CASP6: variants seen among roughly 807,000 people sequenced by gnomAD.
CASP6 encodes the protein caspase-6.
Under a neutral mutation model 31.8 loss-of-function variants are expected in CASP6, and 20 were observed. The ratio of observed to expected loss-of-function variants is 0.63; its 90% CI spans 0.44 to 0.91. The LOEUF is 0.91. Ranked by LOEUF, CASP6 falls within the 40% of genes least tolerant of loss-of-function variation. The pLI, the probability that CASP6 is intolerant of heterozygous loss-of-function variation, is 0.00. For synonymous variants in CASP6, 130 were observed against 127.8 expected (o/e 1.02, Z -0.12); for missense variants, 328 against 361.1 (o/e 0.91, Z 0.74).
downstream of CASP6, chr4:109,687,449 T>G (rs1729873084): frequency 9.0e-7 from 1 of 1,108,780 alleles, no homozygotes; most frequent in South Asian, 1.3e-5. Flanking sequence ...AGAATTCCTC[T>G]CAAGCAGTAA....
the CASP6 span, among the ~76,000 whole-genome samples, chr4:109,677,783 G>C: frequency 4.5e-4 from 46 of 102,204 alleles, no homozygotes; most frequent in Admixed American, 2.3e-3. Flanking sequence ...ACAAATTTCT[G>C]TTCCTTATAA....
the CASP6 span, among the ~76,000 whole-genome samples, chr4:109,674,413 G>T: frequency 6.6e-6 from 1 of 152,158 alleles, no homozygotes; most frequent in African/African-American, 2.4e-5. Context: ...GATGAACTTA[G>T]TTCTAAAGAA....
At chr4:109,706,832 A>T (rs1447149953), upstream of CASP6, among the ~76,000 whole-genome samples, 1 of 152,222 alleles carries the variant, frequency 6.6e-6, no homozygotes, top group African/African-American at 2.4e-5. Context: ...CACTTGAACC[A>T]GGAGGCAGAG....
the CASP6 span, among the ~76,000 whole-genome samples, chr4:109,679,605 G>GAGGGAGAC: frequency 6.6e-6 from 1 of 152,224 alleles, no homozygotes; most frequent in Non-Finnish European, 1.5e-5. Context: ...CTCGGCAAGA[G>GAGGGAGAC]AGGGAGACTG....
chr4:109,666,615 C>T, the CASP6 span, among the ~76,000 whole-genome samples: 1 of 152,158 alleles, frequency 6.6e-6, no homozygotes, highest in Non-Finnish European at 1.5e-5. Flanking sequence ...CTTTTCAGAT[C>T]TTTGCCCATT....
downstream of CASP6, among the ~76,000 whole-genome samples, chr4:109,686,463 A>T (rs921013587): frequency 1.3e-5 from 2 of 152,186 alleles, 1 homozygote; most frequent in Admixed American, 1.3e-4. Flanking sequence ...AATGTATTTT[A>T]TTTCATATAG....
the CASP6 span, among the ~76,000 whole-genome samples, chr4:109,672,142 C>T: frequency 6.6e-6 from 1 of 151,978 alleles, no homozygotes; most frequent in Non-Finnish European, 1.5e-5. Flanking sequence ...GTTTCTTAGC[C>T]TCTTTTATTC....
chr4:109,697,076 A>G (rs918737339), intron 3 of CASP6, among the ~76,000 whole-genome samples: 3 of 151,886 alleles, frequency 2.0e-5, no homozygotes, highest in Admixed American at 1.3e-4. Flanking sequence ...GTGAGCCACC[A>G]TGCCCGGCCA....
intron 1 of CASP6, among the ~76,000 whole-genome samples, chr4:109,700,159 T>G (rs1730373152): frequency 6.6e-6 from 1 of 152,210 alleles, no homozygotes; most frequent in Non-Finnish European, 1.5e-5. Context: ...GTGAAAACAC[T>G]GGAGATGTAT....
chr4:109,679,851 G>T, the CASP6 span, among the ~76,000 whole-genome samples: 2 of 152,014 alleles, frequency 1.3e-5, no homozygotes, highest in East Asian at 3.9e-4. Context: ...ACCCAGGCTG[G>T]AGTGCAGTGG....
At chr4:109,700,379 C>A (rs1049945218) in intron 1 of CASP6, among the ~76,000 whole-genome samples, 2 of 152,118 alleles carry the variant, frequency 1.3e-5, no homozygotes, top group Non-Finnish European at 2.9e-5. Context: ...GACGTTCTGG[C>A]CGGGCATAGT....
At chr4:109,670,960 T>G in the CASP6 span, among the ~76,000 whole-genome samples, 2 of 152,168 alleles carry the variant, frequency 1.3e-5, no homozygotes. Flanking sequence ...CAGTTACAGT[T>G]CAGGTTTTCC....
At chr4:109,708,549 T>C (rs1730664478), upstream of CASP6, among the ~76,000 whole-genome samples, 1 of 152,232 alleles carries the variant, frequency 6.6e-6, no homozygotes, top group South Asian at 2.1e-4. Context: ...CTGAATGAGT[T>C]ATCTGACCAC....
chr4:109,708,521 C>T (rs1210921886), upstream of CASP6, among the ~76,000 whole-genome samples: 7 of 152,236 alleles, frequency 4.6e-5, no homozygotes, highest in Non-Finnish European at 1.5e-5. Flanking sequence ...CACATTTACA[C>T]TCTGGCTTTT....
At chr4:109,703,046 G>T (rs1332284530) in intron 1 of CASP6, among the ~76,000 whole-genome samples, 1 of 152,150 alleles carries the variant, frequency 6.6e-6, no homozygotes, top group African/African-American at 2.4e-5. Context: ...CAGCCGGGGC[G>T]CCCCGAAAGC....
In CASP6 at chr4:109,688,832, C is replaced by T. The variant is rs1729926438; in HGVS notation, c.*498G>A. 6.6e-6 allele frequency: 1 copy of T among 150,710 alleles called. No individual in the cohort carries two copies. The allele number at this position is 150,710 out of a possible 1,614,324, so 9.3% of individuals were successfully genotyped here. On this transcript the variant is annotated 3_prime_UTR_variant, in exon 7 of 7. Coordinates refer to ENST00000265164, the MANE Select transcript of CASP6 (RefSeq NM_001226.4). ...TAATTTCCTGAGGATTTTGTTTCTC[C>T]ATATCAAACCCTTTCACCATGGCCA...
the CASP6 span, among the ~76,000 whole-genome samples, chr4:109,679,059 C>T: frequency 1.4e-5 from 2 of 147,794 alleles, no homozygotes; most frequent in African/African-American, 5.0e-5. Context: ...ATGGGGCAGC[C>T]AGGCAGAGGC....
intron 5 of CASP6, 72 bp downstream of exon 5, chr4:109,694,453 G>A (rs1222757858): frequency 1.5e-6 from 2 of 1,329,790 alleles, no homozygotes; most frequent in African/African-American, 3.0e-5. Flanking sequence ...TTTCAAAACT[G>A]GCTTTTAGAC....
At chr4:109,703,548 C>T (rs572494589), upstream of CASP6, 425 of 965,812 alleles carry the variant, frequency 4.4e-4, 1 homozygote, top group African/African-American at 6.7e-3. Flanking sequence ...GCCCGGGCTC[C>T]CGTGGATCGG....
Sources: allele counts gnomAD v4.1 joint callset (sites outside exome capture counted in the v4.1 genomes callset), GRCh38; gene constraint gnomAD v4.1.1; transcripts MANE v1.5; gene names NCBI Gene and HGNC (gene_info 2026-07-23, HGNC 2026-07-21).